The following SNTG1 variants were observed in gnomAD, a reference collection of about 807,000 sequenced individuals.
SNTG1 encodes the protein gamma-1-syntrophin.
SNTG1 carries 39 observed loss-of-function variants against 74.7 expected under a neutral mutation model. The ratio of observed to expected loss-of-function variants is 0.52; its 90% CI spans 0.40 to 0.68. SNTG1 has a LOEUF of 0.68. SNTG1 is among the 30% of genes least tolerant of loss of function. SNTG1 has a pLI of 0.00. For missense variants in SNTG1, 685 were observed against 609.5 expected (o/e 1.12, Z -1.30); for synonymous variants, 254 against 217.1 (o/e 1.17, Z -1.49).
At chr8:50,071,337 C>T (rs1248040402) in intron 1 of SNTG1, among the ~76,000 whole-genome samples, 1 of 152,090 alleles carries the variant, frequency 6.6e-6, no homozygotes, top group Non-Finnish European at 1.5e-5. Context: ...GTAGCTAAGA[C>T]TAAGTCTTTT....
intron 2 of SNTG1, among the ~76,000 whole-genome samples, chr8:50,350,416 C>T (rs2091621009): frequency 6.6e-6 from 1 of 152,216 alleles, no homozygotes; most frequent in African/African-American, 2.4e-5. Flanking sequence ...ACCTTTATGT[C>T]TAGCTAAGGG....
Position 49,973,128 on chromosome 8 carries a change from T to C in SNTG1, c.-103+60897T>C, listed in dbSNP as rs570386998. 4.7e-4 allele frequency among the ~76,000 whole-genome samples: 72 copies of C among 152,224 alleles called. 1 individual carries two copies. Among genetic ancestry groups the C allele is most frequent in the African/African-American group, 1.7e-3 (69 of 41,526 alleles). On this transcript the variant is annotated intron_variant, in intron 1 of 18. Coordinates refer to ENST00000642720, the MANE Select transcript of SNTG1 (RefSeq NM_018967.5). ...TGGAACCAAGCCAAATGTCCAACAATGATAGACTGGATTAAGAAAATGTGG... is the reference window on the plus strand; with the variant it reads ...TGGAACCAAGCCAAATGTCCAACAACGATAGACTGGATTAAGAAAATGTGG...
chr8:50,696,259 T>C (rs1241907342), intron 15 of SNTG1, among the ~76,000 whole-genome samples: 1 of 152,012 alleles, frequency 6.6e-6, no homozygotes, highest in Admixed American at 6.6e-5. Context: ...GTCACTTGTA[T>C]GTTTTCTTTT....
At chr8:50,352,857 G>T (rs533450998) in intron 2 of SNTG1, among the ~76,000 whole-genome samples, 1 of 152,172 alleles carries the variant, frequency 6.6e-6, no homozygotes, top group African/African-American at 2.4e-5. Context: ...CAATTCCTTA[G>T]GGATCTAGAA....
intron 2 of SNTG1, among the ~76,000 whole-genome samples, chr8:50,247,279 A>C (rs1262232485): frequency 6.6e-6 from 1 of 152,162 alleles, no homozygotes. Flanking sequence ...TTGTCCCCAT[A>C]AACTGTTCAT....
At chr8:50,586,446 C>T (rs2094648656) in intron 12 of SNTG1, among the ~76,000 whole-genome samples, 1 of 152,078 alleles carries the variant, frequency 6.6e-6, no homozygotes. Context: ...ATTTTAGCTC[C>T]TGTGTTGAAC....
At chr8:50,046,571 G>T (rs1819104602) in intron 1 of SNTG1, among the ~76,000 whole-genome samples, 1 of 151,946 alleles carries the variant, frequency 6.6e-6, no homozygotes, top group Non-Finnish European at 1.5e-5. Context: ...CCCCATTCTA[G>T]CGTGAATTTA....
intron 2 of SNTG1, among the ~76,000 whole-genome samples, chr8:50,279,949 A>T (rs187378422): frequency 6.6e-6 from 1 of 152,348 alleles, no homozygotes; most frequent in East Asian, 1.9e-4. Context: ...AGAGGGAGAC[A>T]CCCTTACAAA....
intron 2 of SNTG1, among the ~76,000 whole-genome samples, chr8:50,198,820 A>G (rs574191837): frequency 6.6e-6 from 1 of 151,920 alleles, no homozygotes; most frequent in South Asian, 2.1e-4. Flanking sequence ...CATCACAATC[A>G]TTAGGAGGTT....
chr8:50,794,149 C>T lies in SNTG1; in HGVS notation c.*1320C>T, dbSNP rs1335256172. 5 of 151,308 alleles carry T rather than the reference C, an allele frequency of 3.3e-5. No homozygotes were observed. The highest frequency in any genetic ancestry group is 5.9e-5 in the Non-Finnish European group (4 of 67,804). 9.4% of individuals were successfully genotyped at this position (151,308 alleles called of 1,614,324 possible). A position where few individuals can be genotyped will look rare whatever the true frequency, so the allele number is the denominator to read the frequency against. On this transcript the variant is annotated 3_prime_UTR_variant, in exon 19 of 19. Coordinates refer to ENST00000642720, the MANE Select transcript of SNTG1 (RefSeq NM_018967.5). Reference sequence around the variant, plus strand: ...AAAAAAAAAAATTTTTATTGATACACATGCTCCCAGGTAAACCAAGTATTA... The same window carrying T: ...AAAAAAAAAAATTTTTATTGATACATATGCTCCCAGGTAAACCAAGTATTA...
At chr8:50,115,349 C>T (rs763792087) in intron 1 of SNTG1, among the ~76,000 whole-genome samples, 2 of 151,524 alleles carry the variant, frequency 1.3e-5, no homozygotes, top group Non-Finnish European at 2.9e-5. Context: ...GGTGGATCAC[C>T]TGAGGTCAGG....
chr8:50,110,006 A>G (rs1470848972), intron 1 of SNTG1, among the ~76,000 whole-genome samples: 1 of 151,446 alleles, frequency 6.6e-6, no homozygotes, highest in Non-Finnish European at 1.5e-5. Flanking sequence ...ATTCTCTCTT[A>G]CTCTCTGTTG....
At chr8:50,614,117 A>G (rs1458183719) in intron 13 of SNTG1, among the ~76,000 whole-genome samples, 1 of 152,116 alleles carries the variant, frequency 6.6e-6, no homozygotes, top group Non-Finnish European at 1.5e-5. Flanking sequence ...TTTAATCAAC[A>G]TTTATTTAGA....
At chr8:50,485,076 CAT>C (rs1028032986) in intron 8 of SNTG1, among the ~76,000 whole-genome samples, 2 of 152,096 alleles carry the variant, frequency 1.3e-5, no homozygotes, top group Non-Finnish European at 2.9e-5. Flanking sequence ...CCTCAGTAAA[CAT>C]GTGATTACAT....
intron 1 of SNTG1, among the ~76,000 whole-genome samples, chr8:50,049,807 C>A (rs1819415507): frequency 6.6e-6 from 1 of 151,892 alleles, no homozygotes; most frequent in Admixed American, 6.6e-5. Flanking sequence ...AGAAAGATAG[C>A]TGGAAAACTC....
At chr8:50,443,564 T>C (rs2093377662) in intron 5 of SNTG1, among the ~76,000 whole-genome samples, 1 of 152,206 alleles carries the variant, frequency 6.6e-6, no homozygotes, top group South Asian at 2.1e-4. Context: ...AAATACTTCA[T>C]ATTTAGTTCA....
Position 50,122,870 on chromosome 8 carries a change from G to A in SNTG1, c.-102-49691G>A, listed in dbSNP as rs745833367. Among the ~76,000 whole-genome samples, 2 of 142,236 alleles carry A rather than the reference G, an allele frequency of 1.4e-5. 1 individual carries two copies. Among genetic ancestry groups the A allele is most frequent in the Admixed American group, 1.4e-4 (2 of 13,886 alleles). The allele number at this position is 142,236 out of a possible 152,430, so 93.3% of individuals were successfully genotyped here. ...AGGAAGAATGCACCAAACCAATAGA[G>A]AGAAAAACCTGATTGCTTTGCATAT... On this transcript the variant is annotated intron_variant, in intron 1 of 18. Coordinates refer to ENST00000642720, the MANE Select transcript of SNTG1 (RefSeq NM_018967.5).
intron 13 of SNTG1, among the ~76,000 whole-genome samples, chr8:50,600,237 C>T (rs1310682558): frequency 6.6e-6 from 1 of 151,836 alleles, no homozygotes; most frequent in Non-Finnish European, 1.5e-5. Context: ...CAGTTTTCAT[C>T]AGAAATATTG....
At chr8:50,580,931 A>G (rs888046032) in intron 12 of SNTG1, among the ~76,000 whole-genome samples, 1 of 152,186 alleles carries the variant, frequency 6.6e-6, no homozygotes, top group Non-Finnish European at 1.5e-5. Context: ...GACCTGATAC[A>G]GAAGTGACTC....
Sources: gnomAD v4.1 joint callset for allele counts (sites outside exome capture counted in the v4.1 genomes callset) on GRCh38, gnomAD v4.1.1 for gene constraint, MANE v1.5 for transcripts, NCBI Gene and HGNC (gene_info 2026-07-23, HGNC 2026-07-21) for gene names.